RERE: variants seen among roughly 807,000 people sequenced by gnomAD.
The protein encoded by RERE is arginine-glutamic acid dipeptide repeats protein.
Under a neutral mutation model 146.1 loss-of-function variants are expected in RERE, and 40 were observed. That is an observed-to-expected ratio of 0.27 (90% CI 0.21 to 0.36). The LOEUF (loss-of-function observed/expected upper bound fraction) is 0.36, where lower values mean the gene tolerates loss of function less well. Ranked by LOEUF, RERE falls within the 10% of genes least tolerant of loss-of-function variation. The pLI is 1.00. For synonymous variants in RERE, 1,003 were observed against 866.0 expected, an observed-to-expected ratio of 1.16 and a Z score of -2.78; for missense variants, 1,933 against 2,138.7, an observed-to-expected ratio of 0.90 and a Z score of 1.90.
intron 4 of RERE, among the ~76,000 whole-genome samples, chr1:8,561,899 T>G (rs1646083198): frequency 6.6e-6 from 1 of 152,198 alleles, no homozygotes; most frequent in South Asian, 2.1e-4. Flanking sequence ...AAGCCAGACG[T>G]GAATTTAGAG....
chr1:8,702,744 A>T (rs1406766091), intron 1 of RERE, among the ~76,000 whole-genome samples: 2 of 152,176 alleles, frequency 1.3e-5, no homozygotes, highest in African/African-American at 4.8e-5. Context: ...ATACATATAC[A>T]TGTATTTTTA....
At chr1:8,589,805 C>G (rs1646470150) in intron 4 of RERE, among the ~76,000 whole-genome samples, 1 of 152,212 alleles carries the variant, frequency 6.6e-6, no homozygotes, top group South Asian at 2.1e-4. Flanking sequence ...CCAGGCACTG[C>G]TGAAATACTG....
intron 7 of RERE, among the ~76,000 whole-genome samples, chr1:8,527,189 T>C (rs1437031458): frequency 6.6e-6 from 1 of 152,192 alleles, no homozygotes; most frequent in African/African-American, 2.4e-5. Context: ...TAATGTAATT[T>C]AGAAAATACA....
chr1:8,752,612 C>T (rs1338515316), intron 1 of RERE, among the ~76,000 whole-genome samples: 1 of 152,102 alleles, frequency 6.6e-6, no homozygotes, highest in Non-Finnish European at 1.5e-5. Flanking sequence ...TTGTACTCAT[C>T]GTAAGGCTGT....
intron 8 of RERE, among the ~76,000 whole-genome samples, chr1:8,503,640 T>G (rs918683153): frequency 5.9e-5 from 9 of 152,300 alleles, no homozygotes; most frequent in African/African-American, 1.9e-4. Flanking sequence ...GTATATTATG[T>G]TATTATTTAT....
intron 4 of RERE, among the ~76,000 whole-genome samples, chr1:8,569,052 G>A (rs1353827091): frequency 6.6e-6 from 1 of 152,102 alleles, no homozygotes; most frequent in Admixed American, 6.6e-5. Flanking sequence ...ACACAAAAAT[G>A]AATCCCATTC....
chr1:8,505,521 T>C (rs946029167), intron 8 of RERE, among the ~76,000 whole-genome samples: 2 of 152,168 alleles, frequency 1.3e-5, no homozygotes, highest in Non-Finnish European at 2.9e-5. Context: ...TATATGTTAA[T>C]ATTTTCCTAA....
chr1:8,771,960 T>TA (rs2124547066), intron 1 of RERE, among the ~76,000 whole-genome samples: 1 of 151,970 alleles, frequency 6.6e-6, no homozygotes, highest in South Asian at 2.1e-4. Flanking sequence ...AATAGGTTTT[T>TA]AGAGACTTGT....
At chr1:8,371,047 G>A (rs1642016679) in intron 12 of RERE, among the ~76,000 whole-genome samples, 1 of 152,170 alleles carries the variant, frequency 6.6e-6, no homozygotes, top group Non-Finnish European at 1.5e-5. Context: ...TTATGTCTCG[G>A]TGCTATAATT....
intron 12 of RERE, chr1:8,380,885 C>T (rs754795287): frequency 2.6e-4 from 119 of 456,746 alleles, no homozygotes; most frequent in African/African-American, 7.8e-4. Flanking sequence ...AAGTGCTCAG[C>T]GCTGCTGTAA....
chr1:8,527,455 T>A (rs1645583630), intron 7 of RERE, among the ~76,000 whole-genome samples: 1 of 151,928 alleles, frequency 6.6e-6, no homozygotes, highest in East Asian at 1.9e-4. Flanking sequence ...AAAAACAAAC[T>A]ATCTAACCCT....
chr1:8,497,479 C>T lies in RERE; in HGVS notation c.930G>A (p.Val310=). 1 of 1,614,104 alleles carries T rather than the reference C, an allele frequency of 6.2e-7. No individual in the cohort carries two copies. Among genetic ancestry groups the T allele is most frequent in the East Asian group, 2.2e-5 (1 of 44,880 alleles). Residue 310 remains valine (V), a synonymous_variant, in exon 9 of 23, where the codon GTG becomes GTA. Transcript: ENST00000400908. Reference sequence around the variant, plus strand: ...TCCAGACCAGTTCCTCATGTTGGGTCACTGTATCACCATCTGGAGAAGGAA... The same window carrying T: ...TCCAGACCAGTTCCTCATGTTGGGTTACTGTATCACCATCTGGAGAAGGAA... ...QPFPSPDGDT[V]TQHEELVWMP...
chr1:8,657,451 A>G (rs575498405), intron 1 of RERE, among the ~76,000 whole-genome samples: 1 of 152,362 alleles, frequency 6.6e-6, no homozygotes, highest in African/African-American at 2.4e-5. Context: ...CTCAAACGAA[A>G]GTGAGAGCTT....
At chr1:8,606,504 A>G (rs1281015332) in intron 4 of RERE, among the ~76,000 whole-genome samples, 1 of 152,182 alleles carries the variant, frequency 6.6e-6, no homozygotes, top group Non-Finnish European at 1.5e-5. Context: ...AGCAGTTTCA[A>G]TCTCCTCATT....
At chr1:8,572,878 T>C (rs1415830380) in intron 4 of RERE, among the ~76,000 whole-genome samples, 4 of 152,244 alleles carry the variant, frequency 2.6e-5, no homozygotes, top group Non-Finnish European at 4.4e-5. Flanking sequence ...TGTTATTTAA[T>C]CTCTTTGGAT....
intron 1 of RERE, among the ~76,000 whole-genome samples, chr1:8,799,783 A>G (rs1364083041): frequency 6.6e-6 from 1 of 150,820 alleles, no homozygotes; most frequent in Non-Finnish European, 1.5e-5. Context: ...ATCAGCTATC[A>G]TTAGTGTTAA....
In RERE at chr1:8,726,160, T is replaced by TTTTTTTTTTTTTA. The variant is rs1557505617; in HGVS notation, c.-144-69720_-144-69719insTAAAAAAAAAAAA. 9.0e-4 allele frequency among the ~76,000 whole-genome samples: 117 copies of TTTTTTTTTTTTTA among 129,742 alleles called. 1 individual carries two copies. The highest frequency in any genetic ancestry group is 1.1e-3 in the African/African-American group (40 of 36,066). 85.1% of individuals were successfully genotyped at this position (129,742 alleles called of 152,430 possible). On this transcript the variant is annotated intron_variant, in intron 1 of 22. Transcript: ENST00000400908. The stretch of plus-strand genomic sequence containing the variant: ...CTTTTTTCTTTTCTTTTTTTTTTTT[T>TTTTTTTTTTTTTA]TTTTTTTTTTTTGAGACGGAGTCTT...
At chr1:8,494,015 C>T (rs759180047) in intron 10 of RERE, among the ~76,000 whole-genome samples, 6 of 152,128 alleles carry the variant, frequency 3.9e-5, no homozygotes, top group Non-Finnish European at 7.3e-5. Context: ...AAACAAAGAA[C>T]GAAAGACAAC....
rs1646807047 is a variant in RERE, at chr1:8,612,742, G to A, written c.522+1819C>T. 2.6e-5 allele frequency among the ~76,000 whole-genome samples: 4 copies of A among 152,308 alleles called. No homozygotes were observed. In the South Asian group the frequency reaches 8.3e-4, roughly 32 times the overall value. The stretch of plus-strand genomic sequence containing the variant: ...AGTAAAACCTACTTTTTAGATATAT[G>A]TGGAAATAAGACATATCGGTAAATA... On this transcript the variant is annotated intron_variant, in intron 4 of 22. Coordinates refer to ENST00000400908, the MANE Select transcript of RERE (RefSeq NM_001042681.2).
Sources: gnomAD v4.1 joint callset for allele counts (sites outside exome capture counted in the v4.1 genomes callset) on GRCh38, gnomAD v4.1.1 for gene constraint, MANE v1.5 for transcripts, NCBI Gene and HGNC (gene_info 2026-07-23, HGNC 2026-07-21) for gene names.